The following NKAIN3 variants were observed in gnomAD, a reference collection of about 807,000 sequenced individuals.
NKAIN3 encodes sodium/potassium transporting ATPase interacting 3, also known as sodium/potassium-transporting ATPase subunit beta-1-interacting protein 3.
In NKAIN3, 25 loss-of-function variants were observed where a neutral mutation model predicts 30.2. That is an observed-to-expected ratio of 0.83 (90% confidence interval 0.60 to 1.16). The LOEUF (loss-of-function observed/expected upper bound fraction) is 1.16. Among genes scored for constraint, NKAIN3 ranks in the 50% most tolerant of loss-of-function variants. The pLI is 0.00. For synonymous variants in NKAIN3, 91 were observed against 89.6 expected (o/e 1.02, Z -0.09); for missense variants, 225 against 254.1 (o/e 0.89, Z 0.78).
At chr8:62,647,332 C>CT (rs1361946718) in intron 3 of NKAIN3, among the ~76,000 whole-genome samples, 21 of 152,284 alleles carry the variant, frequency 1.4e-4, no homozygotes, top group African/African-American at 5.1e-4. Context: ...GGCAGAACTA[C>CT]TTTTAAAGTT....
At chr8:62,266,570 ACAT>A (rs1169432611) in intron 1 of NKAIN3, among the ~76,000 whole-genome samples, 1 of 152,200 alleles carries the variant, frequency 6.6e-6, no homozygotes, top group Admixed American at 6.5e-5. Flanking sequence ...AGAAATTGTA[ACAT>A]ATGTCTCATG....
At chr8:62,463,498 C>A (rs1346921458) in intron 1 of NKAIN3, among the ~76,000 whole-genome samples, 3 of 152,070 alleles carry the variant, frequency 2.0e-5, no homozygotes, top group African/African-American at 7.2e-5. Flanking sequence ...AAACTCATGC[C>A]CTTGGACTGT....
At chr8:62,430,822 G>T (rs553093796) in intron 1 of NKAIN3, among the ~76,000 whole-genome samples, 54 of 151,946 alleles carry the variant, frequency 3.6e-4, no homozygotes, top group Non-Finnish European at 5.0e-4. Flanking sequence ...GAAGATGGTG[G>T]TCTCCACATA....
rs7015302 is a variant in NKAIN3 at position 62,978,887 on chromosome 8, A to G, written c.*13480A>G. Reference sequence around the variant, plus strand: ...TCCTTGTCTGTGGATTGCGAAGACCATGGGAAAAGCGTAGTATCTGGACCG... The same window carrying G: ...TCCTTGTCTGTGGATTGCGAAGACCGTGGGAAAAGCGTAGTATCTGGACCG... On this transcript the variant is annotated 3_prime_UTR_variant, in exon 7 of 7. Coordinates refer to ENST00000623646, the MANE Select transcript of NKAIN3 (RefSeq NM_001304533.3). The G allele has an allele frequency of 0.11, 16,427 of 154,222 alleles. 940 individuals carry two copies. The highest frequency in any genetic ancestry group is 0.17 in the South Asian group (825 of 4,864). 9.6% of individuals were successfully genotyped at this position (154,222 alleles called of 1,614,324 possible).
At position 62,990,335 on chromosome 8, in the gene NKAIN3, C is replaced by G. The variant is rs562496007; in HGVS notation, c.533-8896C>G. 7 of 1,338,584 alleles carry G rather than the reference C, an allele frequency of 5.2e-6. No individual in the cohort carries two copies. In the African/African-American group the frequency reaches 1.0e-4, roughly 20 times the overall value. 82.9% of individuals were successfully genotyped at this position (1,338,584 alleles called of 1,614,324 possible). A position where few individuals can be genotyped will look rare whatever the true frequency, so the allele number is the denominator to read the frequency against. On this transcript the variant is annotated intron_variant, in intron 5 of 5. Transcript: ENST00000519049. ...TATTTTAGAGTGTCATTCTAAACCC[C>G]AGATTCAACATCTTCCTAATCTTTC... is the stretch of plus-strand genomic sequence containing the variant.
At chr8:62,845,312 T>TATATATATATATAG in intron 4 of NKAIN3, among the ~76,000 whole-genome samples, 2 of 140,190 alleles carry the variant, frequency 1.4e-5, no homozygotes, top group South Asian at 2.3e-4. Flanking sequence ...TATATATATA[T>TATATATATATATAG]AGTACCTAAT....
At chr8:62,619,178 T>C (rs1048936929) in intron 3 of NKAIN3, among the ~76,000 whole-genome samples, 5 of 152,194 alleles carry the variant, frequency 3.3e-5, no homozygotes, top group African/African-American at 1.2e-4. Context: ...TACAAGCTCA[T>C]TGGTACCTAC....
At chr8:62,949,170 G>A (rs987032090) in intron 5 of NKAIN3, among the ~76,000 whole-genome samples, 1 of 152,164 alleles carries the variant, frequency 6.6e-6, no homozygotes, top group African/African-American at 2.4e-5. Flanking sequence ...CCTTGCACAT[G>A]TTGTCTCCTG....
At chr8:62,287,480 T>C (rs1333872039) in intron 1 of NKAIN3, among the ~76,000 whole-genome samples, 7 of 152,028 alleles carry the variant, frequency 4.6e-5, no homozygotes, top group Non-Finnish European at 1.0e-4. Context: ...TTAACACATA[T>C]CTTTGAGGCT....
chr8:62,345,444 T>C (rs922958600), intron 1 of NKAIN3, among the ~76,000 whole-genome samples: 14 of 128,772 alleles, frequency 1.1e-4, no homozygotes, highest in South Asian at 6.8e-4. Context: ...TATGTATATA[T>C]ACACACATAT....
chr8:62,986,678 T>G (rs1435443678), downstream of NKAIN3, among the ~76,000 whole-genome samples: 1 of 152,230 alleles, frequency 6.6e-6, no homozygotes, highest in East Asian at 1.9e-4. Flanking sequence ...CTCTGCAATC[T>G]CACTGCCATT....
chr8:62,657,069 T>G (rs577372138), intron 3 of NKAIN3, among the ~76,000 whole-genome samples: 223 of 152,334 alleles, frequency 1.5e-3, no homozygotes, highest in Non-Finnish European at 2.6e-3. Flanking sequence ...TCACTGTTTT[T>G]GGCTATTTTG....
intron 1 of NKAIN3, among the ~76,000 whole-genome samples, chr8:62,455,341 A>G (rs939457466): frequency 6.6e-6 from 1 of 152,230 alleles, no homozygotes; most frequent in East Asian, 1.9e-4. Context: ...GCAGTCATCA[A>G]AAGGAACAAA....
At position 62,984,621 on chromosome 8, in the gene NKAIN3, G is replaced by A. The variant is rs1212653089; in HGVS notation, c.*19214G>A. 1 of 152,144 alleles carries A rather than the reference G, an allele frequency of 6.6e-6. No homozygotes were observed. The highest frequency in any genetic ancestry group is 2.4e-5 in the African/African-American group (1 of 41,432). 9.4% of individuals were successfully genotyped at this position (152,144 alleles called of 1,614,324 possible). A position where few individuals can be genotyped will look rare whatever the true frequency, so the allele number is the denominator to read the frequency against. ...AATTGAAAAAGTCAAAGCCTATCAG[G>A]AGCTATCTTATATGATGTTGGTAGC... On this transcript the variant is annotated 3_prime_UTR_variant, in exon 7 of 7. Transcript: ENST00000623646.
intron 4 of NKAIN3, among the ~76,000 whole-genome samples, chr8:62,812,890 T>A (rs1223190445): frequency 6.6e-6 from 1 of 151,952 alleles, no homozygotes; most frequent in African/African-American, 2.4e-5. Context: ...ATCTTTTTAA[T>A]AAAATCAATA....
At chr8:62,527,560 G>T (rs1232972054) in intron 1 of NKAIN3, among the ~76,000 whole-genome samples, 1 of 152,114 alleles carries the variant, frequency 6.6e-6, no homozygotes, top group African/African-American at 2.4e-5. Flanking sequence ...AATTAGCAGA[G>T]AATTTACTAC....
chr8:62,409,702 G>T (rs929639943), intron 1 of NKAIN3, among the ~76,000 whole-genome samples: 1 of 151,572 alleles, frequency 6.6e-6, no homozygotes, highest in Admixed American at 6.6e-5. Flanking sequence ...GTTTGTTTTT[G>T]TTGTTTGTTA....
At chr8:62,932,604 G>A (rs890854868) in intron 5 of NKAIN3, among the ~76,000 whole-genome samples, 2 of 152,178 alleles carry the variant, frequency 1.3e-5, no homozygotes, top group Non-Finnish European at 2.9e-5. Flanking sequence ...GGATCAATCA[G>A]GAAGTCATAA....
At chr8:62,680,402 T>C (rs918573360) in intron 3 of NKAIN3, among the ~76,000 whole-genome samples, 5 of 152,196 alleles carry the variant, frequency 3.3e-5, no homozygotes, top group African/African-American at 1.2e-4. Flanking sequence ...ACCATTGAAA[T>C]TATGTCAGTT....
Sources: allele counts gnomAD v4.1 joint callset (sites outside exome capture counted in the v4.1 genomes callset), GRCh38; gene constraint gnomAD v4.1.1; transcripts MANE v1.5; gene names NCBI Gene and HGNC (gene_info 2026-07-23, HGNC 2026-07-21).